The following EVC2 variants were observed in gnomAD, a reference collection of about 807,000 sequenced individuals.
EVC2 encodes the protein EvC ciliary complex subunit 2.
EVC2 carries 148 observed loss-of-function variants against 149.3 expected under a neutral mutation model. The ratio of observed to expected loss-of-function variants is 0.99; its 90% CI spans 0.87 to 1.14. EVC2 has a LOEUF of 1.14. EVC2 is among the 50% of genes most tolerant of loss of function. The pLI, the probability that EVC2 is intolerant of heterozygous loss-of-function variation, is 0.00. For synonymous variants in EVC2, 776 were observed against 649.9 expected (o/e 1.19, Z -2.95); for missense variants, 1,854 against 1,627.3 (o/e 1.14, Z -2.40).
chr4:5,651,695 C>G (rs1272801169), intron 9 of EVC2, among the ~76,000 whole-genome samples: 3 of 152,224 alleles, frequency 2.0e-5, no homozygotes, highest in Non-Finnish European at 4.4e-5. Flanking sequence ...AAGTAAGTCA[C>G]CTTTCCAACC....
downstream of EVC2, among the ~76,000 whole-genome samples, chr4:5,539,027 C>A (rs1721466705): frequency 6.6e-6 from 1 of 152,076 alleles, no homozygotes; most frequent in African/African-American, 2.4e-5. Context: ...TTCAACAACA[C>A]CATGGTTGTC....
At chr4:5,604,300 T>G (rs1193518796) in intron 16 of EVC2, among the ~76,000 whole-genome samples, 1 of 152,210 alleles carries the variant, frequency 6.6e-6, no homozygotes, top group African/African-American at 2.4e-5. Context: ...TCAAAAATCT[T>G]CAAGTTTCAG....
intron 16 of EVC2, 40 bp downstream of exon 16, chr4:5,615,382 T>C (rs1560166275): frequency 1.9e-6 from 3 of 1,613,864 alleles, no homozygotes; most frequent in Non-Finnish European, 2.5e-6. Flanking sequence ...AGCCCCGCCA[T>C]GTGCAGAGAG....
At chr4:5,638,212 A>C (rs1717023713) in intron 10 of EVC2, among the ~76,000 whole-genome samples, 1 of 151,986 alleles carries the variant, frequency 6.6e-6, no homozygotes, top group South Asian at 2.1e-4. Context: ...AACATGGCAA[A>C]ACCCTGTCTC....
chr4:5,654,500 C>T (rs571178678), intron 9 of EVC2, among the ~76,000 whole-genome samples: 144 of 152,330 alleles, frequency 9.5e-4, no homozygotes, highest in African/African-American at 1.9e-3. Flanking sequence ...TTCCCTAAGG[C>T]GACTCTGCTC....
rs1193140312 is a variant in EVC2 at position 5,613,254 on chromosome 4, G to A, written c.2829+2168C>T. ...TCCAGTAAGGCAGCCTTGTCACAGG[G>A]CTTCAACCCTCTGGGTTCCCTCTGT... On this transcript the variant is annotated intron_variant, in intron 16 of 21. Transcript: ENST00000344408. The surrounding 1 kb of genome is among the most constrained non-coding windows in gnomAD (Gnocchi z 4.6). 6.6e-6 allele frequency among the ~76,000 whole-genome samples: 1 copy of A among 152,140 alleles called. No homozygotes were observed. The highest frequency in any genetic ancestry group is 1.5e-5 in the Non-Finnish European group (1 of 68,022).
intron 9 of EVC2, among the ~76,000 whole-genome samples, chr4:5,660,463 T>C (rs1553846108): frequency 6.6e-6 from 1 of 152,196 alleles, no homozygotes; most frequent in Non-Finnish European, 1.5e-5. Context: ...TGTTTCTGGT[T>C]CTACCTAGGA....
chr4:5,702,954 T>A (rs1198005103), intron 1 of EVC2, among the ~76,000 whole-genome samples: 1 of 152,180 alleles, frequency 6.6e-6, no homozygotes, highest in African/African-American at 2.4e-5. Flanking sequence ...AGTAACAGAG[T>A]ATTTACCAAC....
chr4:5,652,030 T>A (rs957532831), intron 9 of EVC2, among the ~76,000 whole-genome samples: 1 of 152,060 alleles, frequency 6.6e-6, no homozygotes, highest in Non-Finnish European at 1.5e-5. Context: ...GGGATTTGAG[T>A]TTTACCAGGG....
intron 7 of EVC2, among the ~76,000 whole-genome samples, chr4:5,673,173 GT>G (rs1719763445): frequency 6.6e-6 from 1 of 152,214 alleles, no homozygotes. Context: ...AATGTTTAGG[GT>G]TATGGTACAC....
chr4:5,630,485 C>T (rs1330178523), intron 11 of EVC2, among the ~76,000 whole-genome samples: 1 of 152,190 alleles, frequency 6.6e-6, no homozygotes, highest in Non-Finnish European at 1.5e-5. Context: ...GCTCATTCTG[C>T]TATGGGTGGA....
In EVC2 at chr4:5,679,828, A is replaced by ATT. The variant is rs35615167; in HGVS notation, c.870+1430_870+1431dup. Among the ~76,000 whole-genome samples the ATT allele has an allele frequency of 4.7e-5, 7 of 150,356 alleles. No individual in the cohort carries two copies. Among genetic ancestry groups the ATT allele is most frequent in the South Asian group, 2.1e-4 (1 of 4,748 alleles). ...TCCCTGTGACTTTATTACCTTTGTA[A>ATT]TTTTTTTTTTAACATTTTGACTCTT... is the stretch of plus-strand genomic sequence containing the variant. On this transcript the variant is annotated intron_variant, in intron 7 of 21. Transcript: ENST00000344408. This position sits in a 1 kb window ranked among gnomAD's most constrained non-coding sequence, Gnocchi z 5.1.
intron 16 of EVC2, among the ~76,000 whole-genome samples, chr4:5,595,240 A>T (rs903207418): frequency 6.6e-6 from 1 of 152,144 alleles, no homozygotes; most frequent in African/African-American, 2.4e-5. Flanking sequence ...ACTCCTCGAG[A>T]AGAGCAACTC....
intron 20 of EVC2, 93 bp downstream of exon 20, chr4:5,568,351 C>G: frequency 7.7e-7 from 1 of 1,295,480 alleles, no homozygotes; most frequent in Middle Eastern, 2.7e-4. Context: ...AAAGTATGGA[C>G]AAAATACATG....
At chr4:5,663,904 GAGTGAGACTCTGT>G (rs1719080871) in intron 8 of EVC2, among the ~76,000 whole-genome samples, 1 of 152,260 alleles carries the variant, frequency 6.6e-6, no homozygotes, top group Admixed American at 6.5e-5. Flanking sequence ...CTGGGAGACA[GAGTGAGACTCTGT>G]CTCAAAAAAA....
chr4:5,708,584 C>T (rs1386416604), upstream of EVC2: 3 of 1,139,418 alleles, frequency 2.6e-6, no homozygotes, highest in Non-Finnish European at 3.5e-6. Flanking sequence ...ACCCCAGGCC[C>T]GCCCCGCCGC....
At chr4:5,570,780 G>C (rs891751000) in intron 19 of EVC2, among the ~76,000 whole-genome samples, 1 of 152,140 alleles carries the variant, frequency 6.6e-6, no homozygotes, top group Admixed American at 6.5e-5. Flanking sequence ...TAAAGAAAAT[G>C]TGGTATATAT....
downstream of EVC2, among the ~76,000 whole-genome samples, chr4:5,561,078 C>T (rs1337210807): frequency 2.0e-5 from 3 of 152,178 alleles, no homozygotes; most frequent in Non-Finnish European, 2.9e-5. Flanking sequence ...CAGGCTTCAG[C>T]CTATAATTTT....
In EVC2 at chr4:5,694,327, A is replaced by G; in HGVS notation, c.450+8T>C. On this transcript the variant is annotated splice_region_variant and intron_variant, in intron 3 of 21. Coordinates refer to ENST00000344408, the MANE Select transcript of EVC2 (RefSeq NM_147127.5). ...TATTTGTGTTAAAGCATTGAACTTA[A>G]TACTTACCAGGCGGTGTGTTATAGG... 6.2e-7 allele frequency: 1 copy of G among 1,613,740 alleles called. No homozygotes were observed. The highest frequency in any genetic ancestry group is 8.5e-7 in the Non-Finnish European group (1 of 1,179,832).
Sources: gnomAD v4.1 joint callset for allele counts (sites outside exome capture counted in the v4.1 genomes callset) on GRCh38, gnomAD v4.1.1 for gene constraint, Gnocchi (gnomAD v3.1) non-coding constraint, MANE v1.5 for transcripts, NCBI Gene and HGNC (gene_info 2026-07-23, HGNC 2026-07-21) for gene names.